Variants in PRKCZ observed in about 807,000 individuals in gnomAD.
PRKCZ encodes protein kinase C zeta.
PRKCZ carries 33 observed loss-of-function variants against 79.5 expected under a neutral mutation model. The ratio of observed to expected loss-of-function variants is 0.41; its 90% CI spans 0.31 to 0.55. The LOEUF (loss-of-function observed/expected upper bound fraction) is 0.55, where lower values mean the gene tolerates loss of function less well. Among genes scored for constraint, PRKCZ ranks in the 20% least tolerant of loss-of-function variants. The pLI is 0.19. For synonymous variants in PRKCZ, 342 were observed against 320.9 expected, an observed-to-expected ratio of 1.07 and a Z score of -0.70; for missense variants, 578 against 813.5, an observed-to-expected ratio of 0.71 and a Z score of 3.52.
intron 4 of PRKCZ, among the ~76,000 whole-genome samples, chr1:2,120,701 G>A (rs76037994): frequency 6.6e-6 from 1 of 151,810 alleles, no homozygotes; most frequent in Non-Finnish European, 1.5e-5. Flanking sequence ...TTCTGCGTTG[G>A]TTTTTTCCCG....
intron 4 of PRKCZ, among the ~76,000 whole-genome samples, chr1:2,069,661 C>T (rs1311922162): frequency 6.6e-6 from 1 of 152,156 alleles, no homozygotes; most frequent in Non-Finnish European, 1.5e-5. Context: ...GGTGGGCGGT[C>T]CCCTGAACCC....
At chr1:2,120,741 C>T (rs1671722676) in intron 4 of PRKCZ, among the ~76,000 whole-genome samples, 2 of 151,896 alleles carry the variant, frequency 1.3e-5, no homozygotes, top group Non-Finnish European at 2.9e-5. Context: ...TTTTTTTCTA[C>T]TGTTATCTCT....
chr1:2,177,771 G>A lies in PRKCZ; in HGVS notation c.1575+2458G>A, dbSNP rs779810420. Among the ~76,000 whole-genome samples, 2 of 152,148 alleles carry A rather than the reference G, an allele frequency of 1.3e-5. No homozygotes were observed. The highest frequency in any genetic ancestry group is 2.1e-4 in the South Asian group (1 of 4,832). On this transcript the variant is annotated intron_variant, in intron 16 of 17. Coordinates refer to ENST00000378567, the MANE Select transcript of PRKCZ (RefSeq NM_002744.6). The surrounding 1 kb of genome is among the most constrained non-coding windows in gnomAD (Gnocchi z 6.4). ...GTCCCACCACTGCAGAATCACCCCC[G>A]TGGCTGCCCACAGGGGCGGCTTCCA...
intron 5 of PRKCZ, among the ~76,000 whole-genome samples, chr1:2,140,184 A>G (rs1677032625): frequency 6.6e-6 from 1 of 152,240 alleles, no homozygotes; most frequent in African/African-American, 2.4e-5. Flanking sequence ...AGCCAGCATC[A>G]AAGAATTCCT....
At chr1:2,170,676 A>T (rs1684253423) in intron 11 of PRKCZ, among the ~76,000 whole-genome samples, 1 of 152,130 alleles carries the variant, frequency 6.6e-6, no homozygotes, top group South Asian at 2.1e-4. Context: ...TCCTCACCCC[A>T]GACGGGCACG....
intron 5 of PRKCZ, 77 bp downstream of exon 5, chr1:2,135,424 A>ACGTCC (rs1194339031): frequency 1.5e-6 from 2 of 1,348,376 alleles, no homozygotes; most frequent in Admixed American, 4.6e-5. Context: ...GAGGGGAGGC[A>ACGTCC]CGTCCCGCTG....
intron 16 of PRKCZ, among the ~76,000 whole-genome samples, chr1:2,176,840 C>T (rs1481856514): frequency 6.6e-6 from 1 of 152,204 alleles, no homozygotes; most frequent in African/African-American, 2.4e-5. Context: ...CAGAACGTGC[C>T]CACACCCCTT....
chr1:2,099,813 G>T lies in PRKCZ; in HGVS notation c.335-35449G>T, dbSNP rs1247836193. 1.6e-4 allele frequency among the ~76,000 whole-genome samples: 24 copies of T among 152,198 alleles called. 1 individual carries two copies. The highest frequency in any genetic ancestry group is 1.6e-3 in the Admixed American group (24 of 15,288). On this transcript the variant is annotated intron_variant, in intron 4 of 17. Coordinates refer to ENST00000378567, the MANE Select transcript of PRKCZ (RefSeq NM_002744.6). ...CCTATTTCCCGTTCCAATTAAACAG[G>T]TCATTAGTCCGTGTCGTGCTAAAGC...
rs113007174 is a variant in PRKCZ at position 2,139,316 on chromosome 1, G to A, written c.420+3969G>A. On this transcript the variant is annotated intron_variant, in intron 5 of 17. Coordinates refer to ENST00000378567, the MANE Select transcript of PRKCZ (RefSeq NM_002744.6). ...TAAAAGTAATTAAAGCCGGCCGGGC[G>A]TGGTGGCTCACGCCTGTAATTCCAG... Among the ~76,000 whole-genome samples the A allele has an allele frequency of 6.4e-3, 976 of 152,342 alleles. 2 individuals carry two copies. The highest frequency in any genetic ancestry group is 0.011 in the Non-Finnish European group (748 of 68,032).
At chr1:2,138,593 C>T (rs181565927) in intron 5 of PRKCZ, among the ~76,000 whole-genome samples, 2 of 152,198 alleles carry the variant, frequency 1.3e-5, no homozygotes, top group Non-Finnish European at 2.9e-5. Flanking sequence ...GGTAGGAATC[C>T]AGGCTGCTGG....
At chr1:2,170,467 C>T (rs1197387750) in intron 11 of PRKCZ, among the ~76,000 whole-genome samples, 1 of 145,908 alleles carries the variant, frequency 6.9e-6, no homozygotes, top group Non-Finnish European at 1.5e-5. Flanking sequence ...GTACACTTCC[C>T]ACAACGCTGT....
chr1:2,053,476 A>G (rs929858943), intron 1 of PRKCZ, among the ~76,000 whole-genome samples: 1 of 152,186 alleles, frequency 6.6e-6, no homozygotes, highest in Non-Finnish European at 1.5e-5. Context: ...ACAGAGACGC[A>G]GGAGTCTCTC....
At chr1:2,150,167 A>G (rs1284004723) in intron 8 of PRKCZ, among the ~76,000 whole-genome samples, 1 of 151,084 alleles carries the variant, frequency 6.6e-6, no homozygotes, top group Non-Finnish European at 1.5e-5. Context: ...GTCTCAAAAA[A>G]AAAAAAAAAA....
At position 2,167,540 on chromosome 1, in the gene PRKCZ, G is replaced by A. The variant is rs116031285; in HGVS notation, c.975-1978G>A. Reference sequence around the variant, plus strand: ...GGAAGGGACCAGCACCCATTGGGGCGTGTAACTCCTGGTGGCAAAAAATGT... The same window carrying A: ...GGAAGGGACCAGCACCCATTGGGGCATGTAACTCCTGGTGGCAAAAAATGT... On this transcript the variant is annotated intron_variant, in intron 10 of 17. Transcript: ENST00000378567. Among the ~76,000 whole-genome samples, 173 of 152,312 alleles carry A rather than the reference G, an allele frequency of 1.1e-3. 1 individual carries two copies. The highest frequency in any genetic ancestry group is 4.1e-3 in the African/African-American group (169 of 41,574).
rs945617424 is a variant in PRKCZ, at chr1:2,055,535, C to T, written c.166C>T (p.Leu56Phe). The T allele has an allele frequency of 6.2e-7, 1 of 1,614,110 alleles. No individual in the cohort carries two copies. Among genetic ancestry groups the T allele is most frequent in the African/African-American group, 1.3e-5 (1 of 75,058 alleles). The change falls in exon 2 of 18, where the codon CTC becomes TTC. Residue 56 changes from leucine to phenylalanine, a missense_variant. Around this residue, in one of 4 missense-constraint regions of PRKCZ, gnomAD observed 228 missense variants for 211.6 expected, o/e 1.08. Coordinates refer to ENST00000378567, the MANE Select transcript of PRKCZ (RefSeq NM_002744.6). ...DMCRLHQQHP[L>F]TLKWVDSEGD... ...GTGTCGTCTGCACCAGCAGCACCCGCTCACCCTCAAGTGGGTGGACAGCGA... is the reference window on the plus strand; with the variant it reads ...GTGTCGTCTGCACCAGCAGCACCCGTTCACCCTCAAGTGGGTGGACAGCGA...
chr1:2,167,711 C>T (rs1338446201), intron 10 of PRKCZ, among the ~76,000 whole-genome samples: 2 of 152,194 alleles, frequency 1.3e-5, no homozygotes, highest in African/African-American at 4.8e-5. Context: ...TCAGGCGATT[C>T]TCCTGCCCTC....
At chr1:2,144,681 G>C in intron 6 of PRKCZ, 1 of 1,071,664 alleles carries the variant, frequency 9.3e-7, no homozygotes, top group Non-Finnish European at 1.1e-6. Flanking sequence ...GTGAAAGCCA[G>C]GTCTGACCTA....
At chr1:2,155,412 G>T (rs2103281372) in intron 9 of PRKCZ, among the ~76,000 whole-genome samples, 1 of 151,694 alleles carries the variant, frequency 6.6e-6, no homozygotes, top group East Asian at 1.9e-4. Flanking sequence ...GGTGATGATG[G>T]CAGTGGTGAT....
rs554091814 is a variant in PRKCZ at position 2,093,367 on chromosome 1, G to C, written c.334+33776G>C. Among the ~76,000 whole-genome samples the C allele has an allele frequency of 1.9e-3, 286 of 152,254 alleles. 1 individual carries two copies. The highest frequency in any genetic ancestry group is 3.0e-3 in the Non-Finnish European group (207 of 68,018). ...AGTGTCCTCTGGCCGCCCTGGGGCA[G>C]GTCAGACCGCCGGGGTGTGGAGTGG... On this transcript the variant is annotated intron_variant, in intron 4 of 17. Transcript: ENST00000378567.
Sources: allele counts gnomAD v4.1 joint callset (sites outside exome capture counted in the v4.1 genomes callset), GRCh38; gene constraint gnomAD v4.1.1; regional missense constraint gnomAD v4.1.1; non-coding constraint Gnocchi (gnomAD v3.1); transcripts MANE v1.5; gene names NCBI Gene and HGNC (gene_info 2026-07-23, HGNC 2026-07-21).